The following CACNA1C variants were observed in gnomAD, a reference collection of about 807,000 sequenced individuals.
The protein encoded by CACNA1C is voltage-dependent L-type calcium channel subunit alpha-1C.
CACNA1C carries 30 observed loss-of-function variants against 229.0 expected under a neutral mutation model. That is an observed-to-expected ratio of 0.13 (90% CI 0.10 to 0.18). The LOEUF is 0.18. Ranked by LOEUF, CACNA1C falls within the 10% of genes least tolerant of loss-of-function variation. The pLI is 1.00. For synonymous variants in CACNA1C, 1,114 were observed against 1,132.5 expected, an observed-to-expected ratio of 0.98 and a Z score of 0.33; for missense variants, 1,658 against 2,845.0, an observed-to-expected ratio of 0.58 and a Z score of 9.49.
chr12:2,624,578 G>A (rs766896516), intron 29 of CACNA1C, among the ~76,000 whole-genome samples: 9 of 152,184 alleles, frequency 5.9e-5, no homozygotes, highest in Non-Finnish European at 8.8e-5. Flanking sequence ...AAAATCGTAC[G>A]GAAACCTAGA....
At chr12:2,344,009 T>C (rs931768733) in intron 3 of CACNA1C, among the ~76,000 whole-genome samples, 1 of 152,192 alleles carries the variant, frequency 6.6e-6, no homozygotes, top group East Asian at 1.9e-4. Flanking sequence ...CCCACACACT[T>C]GAGTTGATCT....
intron 3 of CACNA1C, among the ~76,000 whole-genome samples, chr12:2,380,701 A>G (rs1053950062): frequency 1.8e-4 from 27 of 152,328 alleles, no homozygotes; most frequent in African/African-American, 6.5e-4. Flanking sequence ...TCTGCCAGTG[A>G]GCAATGTTAG....
At chr12:2,634,209 T>C in intron 29 of CACNA1C, 88 bp from the exon 30 acceptor site, 4 of 431,390 alleles carry the variant, frequency 9.3e-6, no homozygotes, top group Non-Finnish European at 7.9e-6. Flanking sequence ...TTTTTTTTTT[T>C]TTCATTTTTC....
chr12:2,070,161 C>T (rs567028589), intron 1 of CACNA1C, among the ~76,000 whole-genome samples: 17 of 152,092 alleles, frequency 1.1e-4, no homozygotes, highest in Middle Eastern at 6.8e-3. Flanking sequence ...GGGGGTCGAG[C>T]GGGAAGAGTA....
intron 3 of CACNA1C, among the ~76,000 whole-genome samples, chr12:2,122,404 C>T (rs1209947658): frequency 6.6e-6 from 1 of 152,150 alleles, no homozygotes; most frequent in Non-Finnish European, 1.5e-5. Context: ...GTGAATGCTG[C>T]CAGCTGAAGG....
intron 3 of CACNA1C, among the ~76,000 whole-genome samples, chr12:2,248,486 C>G (rs2074260986): frequency 6.6e-6 from 1 of 152,200 alleles, no homozygotes. Flanking sequence ...AGTGTTCTGC[C>G]TGCAGTGCTG....
At chr12:2,315,746 A>G (rs542727479) in intron 3 of CACNA1C, among the ~76,000 whole-genome samples, 4 of 152,348 alleles carry the variant, frequency 2.6e-5, no homozygotes, top group Non-Finnish European at 5.9e-5. Flanking sequence ...CGTGTGTACA[A>G]TTTCCGGAGC....
intron 1 of CACNA1C, among the ~76,000 whole-genome samples, chr12:2,024,011 C>A (rs1223549158): frequency 6.6e-6 from 1 of 152,222 alleles, no homozygotes; most frequent in Non-Finnish European, 1.5e-5. Context: ...TAGGCAATAG[C>A]TAAGCCCTGC....
intron 1 of CACNA1C, among the ~76,000 whole-genome samples, chr12:2,064,384 G>C (rs930894283): frequency 3.3e-5 from 5 of 152,164 alleles, no homozygotes; most frequent in African/African-American, 1.2e-4. Flanking sequence ...GGAGAGGGTG[G>C]CTCCCCTCAT....
Position 2,634,267 on chromosome 12 carries a change from C to G in CACNA1C, c.3829-30C>G, listed in dbSNP as rs746786048. 3 of 1,034,538 alleles carry G rather than the reference C, an allele frequency of 2.9e-6. No homozygotes were observed. In the East Asian group the frequency reaches 1.2e-4, roughly 41 times the overall value. The allele number at this position is 1,034,538 out of a possible 1,614,324, so 64.1% of individuals were successfully genotyped here. A position where few individuals can be genotyped will look rare whatever the true frequency, so the allele number is the denominator to read the frequency against. The stretch of plus-strand genomic sequence containing the variant: ...GTCCTTTCTTGTTGGTTCTTCTTCT[C>G]TCTCTCCCCGGCTGCTCTGCCCCAT... On this transcript the variant is annotated intron_variant, in intron 29 of 46. Coordinates refer to ENST00000399655, the MANE Select transcript of CACNA1C (RefSeq NM_000719.7).
chr12:2,095,649 C>T (rs1372076513), intron 1 of CACNA1C, among the ~76,000 whole-genome samples: 2 of 152,132 alleles, frequency 1.3e-5, no homozygotes, highest in African/African-American at 4.8e-5. Flanking sequence ...TAGGCAGGGT[C>T]GGATACCACT....
chr12:2,421,912 CA>C (rs35245455), intron 3 of CACNA1C, among the ~76,000 whole-genome samples: 55,400 of 143,116 alleles, frequency 0.39, 10,259 homozygotes, highest in Middle Eastern at 0.44. Context: ...TCTGTCTCAA[CA>C]AAAAAAAAAA....
rs753631325 is a variant in CACNA1C, at chr12:2,691,220, C to CT, written c.*29dup. 102 of 1,517,608 alleles carry CT rather than the reference C, an allele frequency of 6.7e-5. No homozygotes were observed. The highest frequency in any genetic ancestry group is 1.4e-4 in the African/African-American group (10 of 71,616). 94.0% of individuals were successfully genotyped at this position (1,517,608 alleles called of 1,614,324 possible). On this transcript the variant is annotated 3_prime_UTR_variant, in exon 47 of 47. Transcript: ENST00000399655. ...TGTAGTGGGCGCTGCCAGATGCGGGCTTTTTTTTATTTGTTTCAATGTTCC... is the reference window on the plus strand; with the variant it reads ...TGTAGTGGGCGCTGCCAGATGCGGGCTTTTTTTTTATTTGTTTCAATGTTCC...
intron 3 of CACNA1C, among the ~76,000 whole-genome samples, chr12:2,268,048 C>A (rs1296867025): frequency 6.6e-6 from 1 of 152,210 alleles, no homozygotes; most frequent in Non-Finnish European, 1.5e-5. Flanking sequence ...GATTCTCTCC[C>A]AGAATAACAA....
At chr12:2,336,679 A>G (rs758806474) in intron 3 of CACNA1C, among the ~76,000 whole-genome samples, 17 of 152,216 alleles carry the variant, frequency 1.1e-4, no homozygotes, top group Non-Finnish European at 2.2e-4. Flanking sequence ...CTCAGCTCAC[A>G]CCCAGGGAAG....
intron 3 of CACNA1C, among the ~76,000 whole-genome samples, chr12:2,154,395 A>G (rs577095796): frequency 3.3e-5 from 5 of 152,316 alleles, no homozygotes; most frequent in Admixed American, 1.3e-4. Flanking sequence ...TCCTTCCCGC[A>G]CACACGGAAT....
chr12:2,583,136 ACCCTCCGGGCCCGCAGCGGCGCCG>A (rs1157924437), intron 15 of CACNA1C, among the ~76,000 whole-genome samples, 194 bp downstream of exon 15: 1 of 151,528 alleles, frequency 6.6e-6, no homozygotes, highest in Non-Finnish European at 1.5e-5. Context: ...ACCTTCCTGA[ACCCTCCGGGCCCGCAGCGGCGCCG>A]CGCTCCGGGC....
At chr12:2,228,820 A>T (rs997503535) in intron 3 of CACNA1C, among the ~76,000 whole-genome samples, 3 of 152,228 alleles carry the variant, frequency 2.0e-5, no homozygotes. Context: ...GATATGCCCC[A>T]GGTGCCAGGG....
At chr12:2,124,109 C>T (rs1430374176) in intron 3 of CACNA1C, among the ~76,000 whole-genome samples, 1 of 145,512 alleles carries the variant, frequency 6.9e-6, no homozygotes, top group African/African-American at 2.6e-5. Flanking sequence ...TGGTCTAGCT[C>T]GTGTGTGTGT....
Sources: gnomAD v4.1 joint callset for allele counts (sites outside exome capture counted in the v4.1 genomes callset) on GRCh38, gnomAD v4.1.1 for gene constraint, MANE v1.5 for transcripts, NCBI Gene and HGNC (gene_info 2026-07-23, HGNC 2026-07-21) for gene names.